Variants in THAP3 observed in about 807,000 individuals in gnomAD.
THAP3 encodes THAP domain-containing protein 3.
Under a neutral mutation model 17.7 loss-of-function variants are expected in THAP3, and 12 were observed. That is an observed-to-expected ratio of 0.68 (90% CI 0.43 to 1.10). The LOEUF (loss-of-function observed/expected upper bound fraction) is 1.10, where lower values mean the gene tolerates loss of function less well. THAP3 is among the 50% of genes least tolerant of loss of function. THAP3 has a pLI of 0.00. For missense variants in THAP3, 289 were observed against 318.0 expected (o/e 0.91, Z 0.69); for synonymous variants, 133 against 126.9 (o/e 1.05, Z -0.32).
chr1:6,632,544 C>T, intron 5 of THAP3, 49 bp downstream of exon 5: 6 of 1,610,116 alleles, frequency 3.7e-6, no homozygotes, highest in Non-Finnish European at 5.1e-6. Context: ...AGATGACTTG[C>T]TCCAAACAAA....
intron 3 of THAP3, among the ~76,000 whole-genome samples, chr1:6,629,000 G>A (rs1289367904): frequency 2.6e-5 from 4 of 152,214 alleles, no homozygotes; most frequent in African/African-American, 9.6e-5. Context: ...TCAGGAATTC[G>A]ATACCAGCCC....
At chr1:6,634,586 A>C, downstream of THAP3, 1 of 1,366,034 alleles carries the variant, frequency 7.3e-7, no homozygotes, top group Non-Finnish European at 9.8e-7. Flanking sequence ...GATGGCTGCC[A>C]CTTCCAGGCC....
chr1:6,627,531 A>AT (rs1641499320), intron 2 of THAP3, among the ~76,000 whole-genome samples: 1 of 151,972 alleles, frequency 6.6e-6, no homozygotes, highest in Non-Finnish European at 1.5e-5. Flanking sequence ...CGCTGGGCTA[A>AT]TTTTTGCATC....
chr1:6,634,321 G>T, downstream of THAP3: 1 of 1,012,086 alleles, frequency 9.9e-7, no homozygotes, highest in Non-Finnish European at 1.4e-6. Flanking sequence ...CCGCGGCTCG[G>T]GCCGTGGGGC....
Position 6,633,370 on chromosome 1 carries a change from A to ACGCAGAGCAAAGAT in THAP3, c.*296_*309dup. 7.8e-7 allele frequency: 1 copy of ACGCAGAGCAAAGAT among 1,283,852 alleles called. No homozygotes were observed. The highest frequency in any genetic ancestry group is 9.9e-7 in the Non-Finnish European group (1 of 1,007,448). 79.5% of individuals were successfully genotyped at this position (1,283,852 alleles called of 1,614,324 possible). A position where few individuals can be genotyped will look rare whatever the true frequency, so the allele number is the denominator to read the frequency against. ...ATTCTGGACGCTGTCCTTTCAGCAC[A>ACGCAGAGCAAAGAT]CGCAGAGCAAAGATCGTTGGAAGCC... On this transcript the variant is annotated 3_prime_UTR_variant, in exon 6 of 6. Transcript: ENST00000054650.
downstream of THAP3, chr1:6,634,511 C>T: frequency 1.5e-6 from 2 of 1,353,240 alleles, no homozygotes; most frequent in South Asian, 1.2e-5. Context: ...CTTGGGGCCC[C>T]CCGCGCCAGC....
intron 4 of THAP3, 75 bp downstream of exon 4, chr1:6,630,428 G>C: frequency 1.3e-6 from 2 of 1,497,734 alleles, no homozygotes; most frequent in Non-Finnish European, 1.9e-6. Context: ...GATTTTCCCA[G>C]CAAGGCCGGC....
chr1:6,629,349 T>C (rs1266706183), intron 3 of THAP3, among the ~76,000 whole-genome samples: 3 of 152,118 alleles, frequency 2.0e-5, no homozygotes, highest in Admixed American at 1.3e-4. Flanking sequence ...AAGGGATCCG[T>C]GAGTGGAGAG....
intron 2 of THAP3, 76 bp downstream of exon 2, chr1:6,625,368 C>T (rs1390270093): frequency 8.7e-6 from 12 of 1,378,704 alleles, no homozygotes; most frequent in African/African-American, 1.5e-5. Context: ...CTTGGCGCGC[C>T]GGGCGGGAGG....
chr1:6,633,712 C>T (rs1233416673), downstream of THAP3: 1 of 530,148 alleles, frequency 1.9e-6, no homozygotes, highest in African/African-American at 2.0e-5. Context: ...AGTTCAAGAC[C>T]AGCCTGGCCA....
chr1:6,625,669 GGGC>G (rs1394027612), intron 2 of THAP3, among the ~76,000 whole-genome samples: 1 of 151,974 alleles, frequency 6.6e-6, no homozygotes, highest in Non-Finnish European at 1.5e-5. Flanking sequence ...GAACCCCCAG[GGGC>G]GTCCTGGCAG....
intron 2 of THAP3, chr1:6,628,261 A>G (rs1570242161): frequency 6.1e-6 from 3 of 488,548 alleles, no homozygotes; most frequent in Non-Finnish European, 1.1e-5. Context: ...CAAATGTAGC[A>G]TCGGAAGCAG....
At chr1:6,625,868 T>G (rs1156573809) in intron 2 of THAP3, among the ~76,000 whole-genome samples, 1 of 152,230 alleles carries the variant, frequency 6.6e-6, no homozygotes, top group Non-Finnish European at 1.5e-5. Context: ...GGGGGGCTTG[T>G]GCTCATCGTT....
At chr1:6,625,433 G>A in intron 2 of THAP3, 141 bp downstream of exon 2, 1 of 599,808 alleles carries the variant, frequency 1.7e-6, no homozygotes, top group Non-Finnish European at 2.3e-6. Context: ...TGGGCCCAGA[G>A]GGGCTGGCGC....
At chr1:6,632,726 G>A in intron 5 of THAP3, 70 bp from the exon 6 acceptor site, 1 of 1,583,910 alleles carries the variant, frequency 6.3e-7, no homozygotes. Context: ...TGCGTGTCTG[G>A]TGGCCTGCTC....
chr1:6,629,164 G>A lies in THAP3; in HGVS notation c.267+473G>A, dbSNP rs141172288. 4.7e-4 allele frequency among the ~76,000 whole-genome samples: 71 copies of A among 152,370 alleles called. No homozygotes were observed. In the East Asian group the frequency reaches 0.012, roughly 25 times the overall value. ...TGCAGTGAGCCAAGCTTGCCTTGGTGGAGGTGGGATGTGTGGGCCTGGCTC... is the reference window on the plus strand; with the variant it reads ...TGCAGTGAGCCAAGCTTGCCTTGGTAGAGGTGGGATGTGTGGGCCTGGCTC... On this transcript the variant is annotated intron_variant, in intron 3 of 5. Transcript: ENST00000054650.
At chr1:6,631,078 C>T (rs1004005229) in intron 4 of THAP3, among the ~76,000 whole-genome samples, 1 of 152,028 alleles carries the variant, frequency 6.6e-6, no homozygotes, top group Non-Finnish European at 1.5e-5. Context: ...AGTCATGGCT[C>T]GCAGCAGCCT....
rs144552089 is a variant in THAP3, at chr1:6,627,176, C to T, written c.75-1323C>T. Among the ~76,000 whole-genome samples, 436 of 152,256 alleles carry T rather than the reference C, an allele frequency of 2.9e-3. 1 individual carries two copies. Among genetic ancestry groups the T allele is most frequent in the African/African-American group, 0.01 (420 of 41,562 alleles). ...TTATTTCCAGCACTAAGTGTTGGAG[C>T]CCTGGGGTGTGGGCCATGGCCCAGG... On this transcript the variant is annotated intron_variant, in intron 2 of 5. Transcript: ENST00000054650.
chr1:6,632,213 C>CAA lies in THAP3; in HGVS notation c.334-165_334-164dup, dbSNP rs34491693. ...CCTAAGTGACAGAGCGAGACTGTCT[C>CAA]AAAAAAAAAAAAAAGTTCAGTTCCA... is the stretch of plus-strand genomic sequence containing the variant. On this transcript the variant is annotated intron_variant, in intron 4 of 5. Coordinates refer to ENST00000054650, the MANE Select transcript of THAP3 (RefSeq NM_001195753.2). Among the ~76,000 whole-genome samples, 842 of 143,912 alleles carry CAA rather than the reference C, an allele frequency of 5.9e-3. 1 individual carries two copies. Among genetic ancestry groups the CAA allele is most frequent in the Middle Eastern group, 0.018 (5 of 272 alleles). The allele number at this position is 143,912 out of a possible 152,430, so 94.4% of individuals were successfully genotyped here.
Sources: allele counts gnomAD v4.1 joint callset (sites outside exome capture counted in the v4.1 genomes callset), GRCh38; gene constraint gnomAD v4.1.1; transcripts MANE v1.5; gene names NCBI Gene and HGNC (gene_info 2026-07-23, HGNC 2026-07-21).